The following ADAM28 variants were observed in gnomAD, a reference collection of about 807,000 sequenced individuals.
ADAM28 encodes disintegrin and metalloproteinase domain-containing protein 28.
In ADAM28, 105 loss-of-function variants were observed where a neutral mutation model predicts 101.2. The ratio of observed to expected loss-of-function variants is 1.04; its 90% CI spans 0.89 to 1.22. The LOEUF is 1.22. Ranked by LOEUF, ADAM28 falls within the 50% of genes most tolerant of loss-of-function variation. The pLI is 0.00. For missense variants in ADAM28, 1,028 were observed against 945.4 expected (o/e 1.09, Z -1.15); for synonymous variants, 322 against 310.6 (o/e 1.04, Z -0.39).
Position 24,328,976 on chromosome 8 carries a change from G to C in ADAM28, c.973-1009G>C, listed in dbSNP as rs535732638. On this transcript the variant is annotated intron_variant, in intron 10 of 22. Coordinates refer to ENST00000265769, the MANE Select transcript of ADAM28 (RefSeq NM_014265.6). Reference sequence around the variant, plus strand: ...GTAGGATTTAGAGTGGGGCAAGACAGAATGGAGGTCATTCGAGGGCAAAAA... The same window carrying C: ...GTAGGATTTAGAGTGGGGCAAGACACAATGGAGGTCATTCGAGGGCAAAAA... Among the ~76,000 whole-genome samples the C allele has an allele frequency of 4.3e-4, 65 of 151,672 alleles. No homozygotes were observed. In the South Asian group the frequency reaches 0.014, roughly 32 times the overall value.
chr8:24,331,431 G>A, intron 12 of ADAM28, 104 bp downstream of exon 12: 2 of 1,123,890 alleles, frequency 1.8e-6, no homozygotes, highest in Non-Finnish European at 2.4e-6. Context: ...AGGTTTTTTG[G>A]GTAATTTTGG....
At chr8:24,328,019 G>A (rs566266548) in intron 10 of ADAM28, among the ~76,000 whole-genome samples, 8 of 152,024 alleles carry the variant, frequency 5.3e-5, no homozygotes, top group South Asian at 2.1e-4. Context: ...CACAGTTTAC[G>A]TAAGTAACAA....
At chr8:24,353,418 T>C (rs1816400908) in intron 21 of ADAM28, among the ~76,000 whole-genome samples, 2 of 60,584 alleles carry the variant, frequency 3.3e-5, no homozygotes, top group Admixed American at 2.3e-4. Context: ...GAGAAAGACC[T>C]ACATTTGAGA....
intron 9 of ADAM28, among the ~76,000 whole-genome samples, chr8:24,324,310 C>T (rs1812268692): frequency 6.6e-6 from 1 of 151,870 alleles, no homozygotes; most frequent in African/African-American, 2.4e-5. Flanking sequence ...GCTTTAGGCT[C>T]AAGTTAGAAG....
rs569432967 is a variant in ADAM28 at position 24,329,723 on chromosome 8, A to G, written c.973-262A>G. Among the ~76,000 whole-genome samples the G allele has an allele frequency of 9.9e-5, 15 of 152,256 alleles. No homozygotes were observed. In the South Asian group the frequency reaches 3.1e-3, roughly 32 times the overall value. ...TTCTTATTGTTGATGAAAATTTGCC[A>G]TCTTTCTTGGAAAGAAAACTAGAAC... On this transcript the variant is annotated intron_variant, in intron 10 of 22. Transcript: ENST00000265769.
At chr8:24,297,861 T>C (rs577881485) in intron 1 of ADAM28, among the ~76,000 whole-genome samples, 5 of 152,238 alleles carry the variant, frequency 3.3e-5, no homozygotes, top group East Asian at 1.9e-4. Context: ...TTTGAACTTA[T>C]GTTTCAAAAA....
chr8:24,323,841 A>G lies in ADAM28; in HGVS notation c.728A>G (p.Lys243Arg), dbSNP rs770683934. The change falls in exon 9 of 23, where the codon AAA becomes AGA. Residue 243 changes from lysine (K) to arginine (R), a missense_variant. Physicochemically the swap from Lys to Arg is conservative, Grantham distance 26 (BLOSUM62 2). Coordinates refer to ENST00000265769, the MANE Select transcript of ADAM28 (RefSeq NM_014265.6). ...TTTATTTTCTTTGGACAGCTTTATAAAAAGCTCAATACTCATGTGGCCTTA... is the reference window on the plus strand; with the variant it reads ...TTTATTTTCTTTGGACAGCTTTATAGAAAGCTCAATACTCATGTGGCCTTA... The part of the protein sequence containing the change: ...EMANYVNMLY[K>R]KLNTHVALVG... The G allele has an allele frequency of 6.2e-7, 1 of 1,607,816 alleles. No individual in the cohort carries two copies. Among genetic ancestry groups the G allele is most frequent in the Non-Finnish European group, 8.5e-7 (1 of 1,176,788 alleles).
chr8:24,331,339 C>A lies in ADAM28; in HGVS notation c.1281+12C>A, dbSNP rs1813333407. The A allele has an allele frequency of 1.9e-6, 3 of 1,582,084 alleles. No individual in the cohort carries two copies. Among genetic ancestry groups the A allele is most frequent in the African/African-American group, 1.4e-5 (1 of 73,288 alleles). ...GTGGGACATCTGAGGTATGGCCAATCACTTTCTAAAACGATCTAGTTGGTT... is the reference window on the plus strand; with the variant it reads ...GTGGGACATCTGAGGTATGGCCAATAACTTTCTAAAACGATCTAGTTGGTT... On this transcript the variant is annotated intron_variant, in intron 12 of 22. Coordinates refer to ENST00000265769, the MANE Select transcript of ADAM28 (RefSeq NM_014265.6).
chr8:24,299,358 T>C (rs530095432), intron 1 of ADAM28, among the ~76,000 whole-genome samples: 24 of 152,198 alleles, frequency 1.6e-4, no homozygotes, highest in Non-Finnish European at 2.8e-4. Flanking sequence ...TTCTCTAATT[T>C]TCATTTTTTA....
In ADAM28 at chr8:24,320,387, C is replaced by T. The variant is rs902300712; in HGVS notation, c.648+80C>T. ...ATTTATTATGTGAGACATTAAATAT[C>T]TGGATGAGATTTAAAGAATCATGAA... On this transcript the variant is annotated intron_variant, in intron 7 of 22. Transcript: ENST00000265769. The T allele has an allele frequency of 1.0e-4, 95 of 941,346 alleles. 1 individual carries two copies. The Admixed American group carries it at 2.1e-3, about 21-fold the overall frequency. 58.3% of individuals were successfully genotyped at this position (941,346 alleles called of 1,614,324 possible). A position where few individuals can be genotyped will look rare whatever the true frequency, so the allele number is the denominator to read the frequency against.
chr8:24,336,269 T>A, intron 14 of ADAM28: 1 of 734,972 alleles, frequency 1.4e-6, no homozygotes, highest in Non-Finnish European at 1.7e-6. Flanking sequence ...TCCGAAAATT[T>A]AAACAGCAAT....
chr8:24,326,723 T>C, intron 10 of ADAM28, 88 bp downstream of exon 10: 2 of 1,266,280 alleles, frequency 1.6e-6, no homozygotes, highest in Non-Finnish European at 2.2e-6. Context: ...TGATAGTTTT[T>C]CTCTGTAGTC....
intron 14 of ADAM28, among the ~76,000 whole-genome samples, chr8:24,337,030 T>C (rs1483815269): frequency 6.6e-6 from 1 of 152,156 alleles, no homozygotes; most frequent in Non-Finnish European, 1.5e-5. Flanking sequence ...TCAACAAAAA[T>C]TCCTAACTTG....
At chr8:24,337,679 C>G (rs1016770879) in intron 14 of ADAM28, among the ~76,000 whole-genome samples, 2 of 152,180 alleles carry the variant, frequency 1.3e-5, no homozygotes, top group Non-Finnish European at 2.9e-5. Context: ...TTTGCCTAAA[C>G]AAAATTCCAA....
chr8:24,354,637 G>A lies in ADAM28; in HGVS notation c.*233G>A. 1.3e-5 allele frequency: 5 copies of A among 385,246 alleles called. No homozygotes were observed. The highest frequency in any genetic ancestry group is 6.5e-5 in the South Asian group (1 of 15,360). The allele number at this position is 385,246 out of a possible 1,614,324, so 23.9% of individuals were successfully genotyped here. ...TTTCAATTATCCATTCTTATAAGAA[G>A]GAAGATGATTGTAAAGAAATATCTC... On this transcript the variant is annotated 3_prime_UTR_variant, in exon 23 of 23. Transcript: ENST00000265769.
chr8:24,342,179 C>T (rs537971188), intron 16 of ADAM28, among the ~76,000 whole-genome samples: 6 of 152,190 alleles, frequency 3.9e-5, no homozygotes, highest in African/African-American at 9.6e-5. Context: ...AACTTAAATA[C>T]GAGTACTGTT....
chr8:24,297,147 G>C, intron 1 of ADAM28, among the ~76,000 whole-genome samples: 1 of 149,320 alleles, frequency 6.7e-6, no homozygotes, highest in South Asian at 2.1e-4. Flanking sequence ...ATTTCTAAAA[G>C]AAATGTTGTG....
At chr8:24,306,182 CA>C (rs1193187785) in intron 2 of ADAM28, among the ~76,000 whole-genome samples, 1 of 151,044 alleles carries the variant, frequency 6.6e-6, no homozygotes, top group Non-Finnish European at 1.5e-5. Context: ...ACTAAAAATA[CA>C]CACACACAAA....
Position 24,357,732 on chromosome 8 carries a change from T to C in ADAM28, c.*3328T>C, listed in dbSNP as rs752947934. On this transcript the variant is annotated 3_prime_UTR_variant, in exon 23 of 23. Transcript: ENST00000265769. ...AGATAGGTTTAGGTAAAATTAACTA[T>C]ATTTAATAGGCTTTCATCACTGCAA... 1 of 150,988 alleles carries C rather than the reference T, an allele frequency of 6.6e-6. No homozygotes were observed. Among genetic ancestry groups the C allele is most frequent in the African/African-American group, 2.4e-5 (1 of 41,016 alleles). The allele number at this position is 150,988 out of a possible 1,614,324, so 9.4% of individuals were successfully genotyped here. A position where few individuals can be genotyped will look rare whatever the true frequency, so the allele number is the denominator to read the frequency against.
Sources: allele counts gnomAD v4.1 joint callset (sites outside exome capture counted in the v4.1 genomes callset), GRCh38; gene constraint gnomAD v4.1.1; transcripts MANE v1.5; gene names NCBI Gene and HGNC (gene_info 2026-07-23, HGNC 2026-07-21).